CD55: variants seen among roughly 807,000 people sequenced by gnomAD.
The protein encoded by CD55 is CD55 molecule (Cromer blood group).
CD55 carries 41 observed loss-of-function variants against 45.8 expected under a neutral mutation model. The observed-to-expected ratio is 0.90, with a 90% CI of 0.70 to 1.16. CD55 has a LOEUF of 1.16. Ranked by LOEUF, CD55 falls within the 50% of genes most tolerant of loss-of-function variation. CD55 has a pLI of 0.00. For missense variants in CD55, 416 were observed against 469.8 expected (o/e 0.89, Z 1.06); for synonymous variants, 181 against 181.1 (o/e 1.00, Z 0.01).
chr1:207,327,309 C>G (rs934968658), intron 5 of CD55, among the ~76,000 whole-genome samples: 5 of 152,128 alleles, frequency 3.3e-5, no homozygotes, highest in African/African-American at 7.2e-5. Context: ...TGCCTACATG[C>G]TGCTTCTTAG....
rs1656224241 is a variant in CD55, at chr1:207,359,752, T to C, written c.*142T>C. 1 of 1,150,580 alleles carries C rather than the reference T, an allele frequency of 8.7e-7. No individual in the cohort carries two copies. Among genetic ancestry groups the C allele is most frequent in the African/African-American group, 1.6e-5 (1 of 61,162 alleles). The allele number at this position is 1,150,580 out of a possible 1,614,324, so 71.3% of individuals were successfully genotyped here. The stretch of plus-strand genomic sequence containing the variant: ...CATTGTCTTTAAGATGTGTTAGGAA[T>C]GTCAACAGAGCAAGGAGAAAAAAGG... On this transcript the variant is annotated 3_prime_UTR_variant, in exon 10 of 10. Transcript: ENST00000367064.
Position 207,359,736 on chromosome 1 carries a change from T to G in CD55, c.*126T>G, listed in dbSNP as rs1322462729. 1 of 1,288,014 alleles carries G rather than the reference T, an allele frequency of 7.8e-7. No individual in the cohort carries two copies. The highest frequency in any genetic ancestry group is 1.0e-6 in the Non-Finnish European group (1 of 975,614). The allele number at this position is 1,288,014 out of a possible 1,614,324, so 79.8% of individuals were successfully genotyped here. A position where few individuals can be genotyped will look rare whatever the true frequency, so the allele number is the denominator to read the frequency against. On this transcript the variant is annotated 3_prime_UTR_variant, in exon 10 of 10. Transcript: ENST00000367064. ...TCATTTAGGATGCTTTCATTGTCTTTAAGATGTGTTAGGAATGTCAACAGA... is the reference window on the plus strand; with the variant it reads ...TCATTTAGGATGCTTTCATTGTCTTGAAGATGTGTTAGGAATGTCAACAGA...
chr1:207,358,143 A>G (rs1656149198), intron 9 of CD55, among the ~76,000 whole-genome samples: 1 of 152,208 alleles, frequency 6.6e-6, no homozygotes, highest in Non-Finnish European at 1.5e-5. Flanking sequence ...CAAACTCCTA[A>G]GAAAGAATTT....
intron 9 of CD55, among the ~76,000 whole-genome samples, chr1:207,339,671 T>A (rs1655335140): frequency 6.6e-6 from 1 of 152,160 alleles, no homozygotes; most frequent in South Asian, 2.1e-4. Context: ...CCTGGATTAT[T>A]TGGAAGATAA....
chr1:207,324,787 G>T (rs770155641), intron 3 of CD55, 37 bp downstream of exon 3: 8 of 1,306,982 alleles, frequency 6.1e-6, no homozygotes, highest in Non-Finnish European at 8.7e-6. Flanking sequence ...CAACCATCTG[G>T]TGTTTGGGGG....
At chr1:207,338,473 A>C (rs1172249757) in intron 8 of CD55, among the ~76,000 whole-genome samples, 1 of 152,188 alleles carries the variant, frequency 6.6e-6, no homozygotes, top group African/African-American at 2.4e-5. Flanking sequence ...TTGTTATAGA[A>C]CTAACTTTAT....
chr1:207,327,439 T>C (rs906024307), intron 5 of CD55, among the ~76,000 whole-genome samples: 1 of 152,206 alleles, frequency 6.6e-6, no homozygotes, highest in Non-Finnish European at 1.5e-5. Context: ...TTTGAGAATC[T>C]TCTCAAAGAA....
chr1:207,321,922 G>C, intron 1 of CD55, 57 bp downstream of exon 1: 3 of 1,285,378 alleles, frequency 2.3e-6, no homozygotes, highest in Non-Finnish European at 3.2e-6. Context: ...GGTCCAAGTC[G>C]GTCTCTGAGA....
chr1:207,333,517 G>A (rs1655041298), intron 6 of CD55, among the ~76,000 whole-genome samples: 1 of 152,180 alleles, frequency 6.6e-6, no homozygotes, highest in Admixed American at 6.5e-5. Context: ...TATATACAAT[G>A]TTTGGCATAC....
At chr1:207,326,352 A>G (rs992454310) in intron 4 of CD55, among the ~76,000 whole-genome samples, 5 of 152,218 alleles carry the variant, frequency 3.3e-5, no homozygotes, top group Non-Finnish European at 7.3e-5. Flanking sequence ...CGAAACACAG[A>G]TATTGGTTAG....
intron 6 of CD55, among the ~76,000 whole-genome samples, chr1:207,334,639 CTT>C (rs1048837964): frequency 1.6e-4 from 25 of 152,150 alleles, no homozygotes; most frequent in African/African-American, 6.0e-4. Context: ...GCATAATTGA[CTT>C]ATAGTCTAAT....
At position 207,326,596 on chromosome 1, in the gene CD55, C is replaced by A. The variant is rs895544211; in HGVS notation, c.579-156C>A. Among the ~76,000 whole-genome samples the A allele has an allele frequency of 6.8e-4, 103 of 152,222 alleles. 1 individual carries two copies. Among genetic ancestry groups the A allele is most frequent in the African/African-American group, 2.3e-3 (97 of 41,544 alleles). ...TGTCACGTTTTTAAACTTAATTTTT[C>A]TTTTCCTTTAAACTACTGTGTGGAC... is the stretch of plus-strand genomic sequence containing the variant. On this transcript the variant is annotated intron_variant, in intron 4 of 9. Coordinates refer to ENST00000367064, the MANE Select transcript of CD55 (RefSeq NM_000574.5).
At chr1:207,352,353 G>A (rs28371633) in intron 9 of CD55, among the ~76,000 whole-genome samples, 4,495 of 151,648 alleles carry the variant, frequency 0.03, 227 homozygotes, top group African/African-American at 0.1. Context: ...ATCAGTTTAT[G>A]TATCACATAT....
intron 9 of CD55, among the ~76,000 whole-genome samples, chr1:207,353,460 C>T (rs781050175): frequency 1.4e-4 from 21 of 152,218 alleles, no homozygotes; most frequent in Non-Finnish European, 2.8e-4. Flanking sequence ...GCATATATTA[C>T]AGACTAGCCC....
At position 207,324,618 on chromosome 1, in the gene CD55, CAG is replaced by C. The variant is rs771582361; in HGVS notation, c.348_349del (p.Asn117LeufsTer11). 2.5e-6 allele frequency: 4 copies of C among 1,611,774 alleles called. No individual in the cohort carries two copies. The highest frequency in any genetic ancestry group is 3.4e-6 in the Non-Finnish European group (4 of 1,178,866). ...SASLKQPYITQNYFPVGTVVE... is the reference protein window; with the variant it reads ...SASLKQPYITXNYFPVGTVVE... The stretch of plus-strand genomic sequence containing the variant: ...ATCCCTCAAACAGCCTTATATCACT[CAG>C]AATTATTTTCCAGTCGGTACTGTTG... On this transcript the variant is annotated frameshift_variant, in exon 3 of 10. Transcript: ENST00000367064. LOFTEE classifies it high-confidence loss of function.
In CD55 at chr1:207,349,133, TG is replaced by T. The variant is rs1326782262; in HGVS notation, c.1081+9718del. Among the ~76,000 whole-genome samples the T allele has an allele frequency of 3.3e-5, 5 of 152,356 alleles. No homozygotes were observed. In the East Asian group the frequency reaches 9.6e-4, roughly 29 times the overall value. On this transcript the variant is annotated intron_variant, in intron 9 of 9. Coordinates refer to ENST00000367064, the MANE Select transcript of CD55 (RefSeq NM_000574.5). ...ATTGGTAGTTTGATAGGAATAGCAT[TG>T]GATCTATAAATTGCTTTAGGCAGTA...
intron 9 of CD55, among the ~76,000 whole-genome samples, chr1:207,339,869 G>A (rs1196653812): frequency 4.6e-5 from 7 of 152,048 alleles, no homozygotes; most frequent in Non-Finnish European, 4.4e-5. Context: ...TATTTATGAG[G>A]TACATGTGAT....
intron 1 of CD55, 93 bp from the exon 2 acceptor site, chr1:207,322,289 G>T (rs775301497): frequency 2.0e-6 from 2 of 1,004,336 alleles, no homozygotes; most frequent in South Asian, 2.6e-5. Flanking sequence ...ATCTCTTTCA[G>T]GTGTGGCATT....
At chr1:207,350,263 A>T (rs1189680280) in intron 9 of CD55, 2 of 315,220 alleles carry the variant, frequency 6.3e-6, no homozygotes, top group Non-Finnish European at 1.2e-5. Flanking sequence ...TTGATCTGCT[A>T]GTATTTTGTT....
Sources: gnomAD v4.1 joint callset for allele counts (sites outside exome capture counted in the v4.1 genomes callset) on GRCh38, gnomAD v4.1.1 for gene constraint, MANE v1.5 for transcripts, NCBI Gene and HGNC (gene_info 2026-07-23, HGNC 2026-07-21) for gene names.